Variants in GAB3 observed in about 807,000 individuals in gnomAD.
GAB3 encodes the protein GRB2 associated binding protein 3.
A neutral mutation model predicts 40.4 loss-of-function variants in GAB3; 12 were observed. The observed-to-expected ratio is 0.30, with a 90% CI of 0.19 to 0.48. The LOEUF (loss-of-function observed/expected upper bound fraction) is 0.48. Ranked by LOEUF, GAB3 falls within the 20% of genes least tolerant of loss-of-function variation. GAB3 has a pLI of 0.99. For missense variants in GAB3, 381 were observed against 461.9 expected (o/e 0.82, Z 1.61); for synonymous variants, 154 against 176.7 (o/e 0.87, Z 1.02).
intron 4 of GAB3, among the ~76,000 whole-genome samples, chrX:154,706,627 T>G (rs782569385): frequency 9.0e-6 from 1 of 110,713 alleles, no homozygotes; most frequent in South Asian, 3.8e-4. Flanking sequence ...AAAGAACAAA[T>G]CTGGGCTGGA....
chrX:154,749,844 A>G (rs782422641), intron 1 of GAB3, among the ~76,000 whole-genome samples: 3 of 112,914 alleles, frequency 2.7e-5, no homozygotes, highest in South Asian at 3.6e-4. Flanking sequence ...ATACATTATT[A>G]AAGTCTTTTT....
chrX:154,706,566 A>T (rs1347261840), intron 4 of GAB3, among the ~76,000 whole-genome samples: 3 of 111,311 alleles, frequency 2.7e-5, no homozygotes, highest in Non-Finnish European at 5.7e-5. Flanking sequence ...CAATCTTAAA[A>T]TGTATATGGA....
rs1330483826 is a variant in GAB3, at chrX:154,716,662, A to C, written c.73-333T>G. Among the ~76,000 whole-genome samples, 3 of 112,559 alleles carry C rather than the reference A, an allele frequency of 2.7e-5. No individual in the cohort carries two copies. The Admixed American group carries it at 2.8e-4, about 11-fold the overall frequency. ...CTTTAAAAGAATCTTAGCAATAAAG[A>C]ACTAGAAGGAAGCTTTCTTACTATT... is the stretch of plus-strand genomic sequence containing the variant. On this transcript the variant is annotated intron_variant, in intron 1 of 9. Transcript: ENST00000424127.
intron 8 of GAB3, 38 bp downstream of exon 8, chrX:154,695,879 G>A (rs1557250535): frequency 8.5e-6 from 7 of 822,090 alleles, no homozygotes; most frequent in South Asian, 6.9e-5. Context: ...TACAGATTGG[G>A]GTGAAGGATA....
intron 1 of GAB3, among the ~76,000 whole-genome samples, chrX:154,726,047 C>T (rs2071208097): frequency 9.0e-6 from 1 of 111,287 alleles, no homozygotes; most frequent in Non-Finnish European, 1.9e-5. Flanking sequence ...AATGAAAACA[C>T]CCAAGAAATT....
At chrX:154,709,556 G>C (rs1475738979) in intron 4 of GAB3, among the ~76,000 whole-genome samples, 1 of 109,268 alleles carries the variant, frequency 9.2e-6, no homozygotes, top group African/African-American at 3.3e-5. Context: ...CTAACCTTGT[G>C]ATCTGCCCGC....
chrX:154,682,242 TACTA>T (rs1420113964), intron 8 of GAB3, among the ~76,000 whole-genome samples: 39 of 112,322 alleles, frequency 3.5e-4, no homozygotes, highest in Admixed American at 3.8e-4. Context: ...TTATTTATTT[TACTA>T]ACTTAGTAAT....
chrX:154,722,494 G>T (rs1291575335), intron 1 of GAB3, among the ~76,000 whole-genome samples: 1 of 111,941 alleles, frequency 8.9e-6, no homozygotes, highest in East Asian at 2.8e-4. Flanking sequence ...AAACATGTGA[G>T]ATTGTATGTT....
intron 1 of GAB3, among the ~76,000 whole-genome samples, chrX:154,742,113 T>A (rs998456022): frequency 1.8e-5 from 2 of 112,142 alleles, no homozygotes; most frequent in African/African-American, 6.5e-5. Flanking sequence ...AATTCCCAAA[T>A]ATTTGGAAAT....
chrX:154,698,735 C>T (rs992047228), intron 6 of GAB3, among the ~76,000 whole-genome samples: 3 of 112,195 alleles, frequency 2.7e-5, no homozygotes, highest in East Asian at 2.8e-4. Flanking sequence ...GGGAGTAAGA[C>T]AGAAGCTGCA....
chrX:154,697,004 C>T (rs879983957), intron 7 of GAB3, 128 bp downstream of exon 7: 1 of 504,269 alleles, frequency 2.0e-6, no homozygotes, highest in Non-Finnish European at 3.4e-6. Context: ...CTCTTGCTCT[C>T]GATAATAAAC....
chrX:154,709,768 A>G (rs1557255143), intron 4 of GAB3, among the ~76,000 whole-genome samples: 1 of 112,039 alleles, frequency 8.9e-6, no homozygotes, highest in Non-Finnish European at 1.9e-5. Flanking sequence ...AGCCTTAAAA[A>G]GGAATGGTAT....
At chrX:154,687,507 G>A (rs781910726) in intron 8 of GAB3, among the ~76,000 whole-genome samples, 71 of 108,467 alleles carry the variant, frequency 6.5e-4, no homozygotes, top group African/African-American at 1.9e-3. Flanking sequence ...GGTGGCGGGC[G>A]CCTGTAGTCC....
chrX:154,724,075 G>A (rs187985902), intron 1 of GAB3, among the ~76,000 whole-genome samples: 7 of 111,843 alleles, frequency 6.3e-5, no homozygotes, highest in East Asian at 5.6e-4. Context: ...GGCTGGGTGC[G>A]GTGGCTCACG....
chrX:154,733,325 C>T (rs1419153319), intron 1 of GAB3, among the ~76,000 whole-genome samples: 2 of 112,286 alleles, frequency 1.8e-5, no homozygotes, highest in African/African-American at 6.5e-5. Flanking sequence ...AACTGCTGTT[C>T]ATGTATGTTG....
chrX:154,691,804 T>C (rs2070573061), intron 8 of GAB3, among the ~76,000 whole-genome samples: 1 of 112,063 alleles, frequency 8.9e-6, no homozygotes, highest in African/African-American at 3.2e-5. Context: ...AATCAAAACA[T>C]TGTGGTACTG....
intron 1 of GAB3, among the ~76,000 whole-genome samples, chrX:154,729,255 T>C (rs1383268491): frequency 1.8e-5 from 2 of 112,283 alleles, no homozygotes; most frequent in African/African-American, 6.5e-5. Flanking sequence ...CACAATAAGA[T>C]GCTTGACTTT....
rs185750895 is a variant in GAB3, at chrX:154,714,785, T to G, written c.376+1241A>C. 1.5e-4 allele frequency among the ~76,000 whole-genome samples: 17 copies of G among 112,477 alleles called. No homozygotes were observed. In the East Asian group the frequency reaches 4.7e-3, roughly 31 times the overall value. ...ACACAGTATACGACGATATACCTAGTTAAGGCTGAAGGTGCACAACAGGGT... is the reference window on the plus strand; with the variant it reads ...ACACAGTATACGACGATATACCTAGGTAAGGCTGAAGGTGCACAACAGGGT... On this transcript the variant is annotated intron_variant, in intron 2 of 9. Coordinates refer to ENST00000424127, the MANE Select transcript of GAB3 (RefSeq NM_001081573.3).
chrX:154,678,149 G>T lies in GAB3; in HGVS notation c.*29C>A. The T allele has an allele frequency of 2.6e-6, 2 of 783,013 alleles. No homozygotes were observed. The highest frequency in any genetic ancestry group is 3.8e-6 in the Non-Finnish European group (2 of 532,095). The allele number at this position is 783,013 out of a possible 1,213,427, so 64.5% of individuals were successfully genotyped here. Reference sequence around the variant, plus strand: ...CTCAAACTGAGCCCCAAGCTTCCCTGTTTCACACATGGCACAAGCCCGCAC... The same window carrying T: ...CTCAAACTGAGCCCCAAGCTTCCCTTTTTCACACATGGCACAAGCCCGCAC... On this transcript the variant is annotated 3_prime_UTR_variant, in exon 10 of 10. Transcript: ENST00000424127.
Sources: gnomAD v4.1 joint callset for allele counts (sites outside exome capture counted in the v4.1 genomes callset) on GRCh38, gnomAD v4.1.1 for gene constraint, MANE v1.5 for transcripts, NCBI Gene and HGNC (gene_info 2026-07-23, HGNC 2026-07-21) for gene names.